The following ONECUT2 variants were observed in gnomAD, a reference collection of about 807,000 sequenced individuals.
The protein encoded by ONECUT2 is one cut homeobox 2.
ONECUT2 carries 10 observed loss-of-function variants against 27.9 expected under a neutral mutation model. The observed-to-expected ratio is 0.36, with a 90% CI of 0.22 to 0.61. The LOEUF (loss-of-function observed/expected upper bound fraction) is 0.61. Among genes scored for constraint, ONECUT2 ranks in the 20% least tolerant of loss-of-function variants. ONECUT2 has a pLI of 0.73. For synonymous variants in ONECUT2, 334 were observed against 315.1 expected, an observed-to-expected ratio of 1.06 and a Z score of -0.64; for missense variants, 686 against 721.0, an observed-to-expected ratio of 0.95 and a Z score of 0.56.
In ONECUT2 at chr18:57,477,942, G is replaced by C. The variant is rs1305672147; in HGVS notation, c.*1219G>C. 1 of 152,582 alleles carries C rather than the reference G, an allele frequency of 6.6e-6. No homozygotes were observed. The highest frequency in any genetic ancestry group is 1.9e-4 in the East Asian group (1 of 5,200). The allele number at this position is 152,582 out of a possible 1,614,324, so 9.5% of individuals were successfully genotyped here. A position where few individuals can be genotyped will look rare whatever the true frequency, so the allele number is the denominator to read the frequency against. On this transcript the variant is annotated 3_prime_UTR_variant, in exon 2 of 2. Coordinates refer to ENST00000491143, the MANE Select transcript of ONECUT2 (RefSeq NM_004852.3). ...TGTCATCTAGTCCTAAATCTCTTCT[G>C]TTGTTGAATCATCCTTGCAAAACAG...
At chr18:57,454,055 T>C (rs1294752962) in intron 1 of ONECUT2, among the ~76,000 whole-genome samples, 1 of 152,194 alleles carries the variant, frequency 6.6e-6, no homozygotes, top group Non-Finnish European at 1.5e-5. Context: ...TTAAAAAAAT[T>C]GTTCCAAAGA....
chr18:57,444,893 G>A (rs2050193282), intron 1 of ONECUT2, among the ~76,000 whole-genome samples: 1 of 151,884 alleles, frequency 6.6e-6, no homozygotes, highest in South Asian at 2.1e-4. Flanking sequence ...GAAGAGAGGG[G>A]GTCAGGAGGC....
At position 57,436,079 on chromosome 18, in the gene ONECUT2, C is replaced by G; in HGVS notation, c.363C>G (p.Pro121=). 2 of 1,597,886 alleles carry G rather than the reference C, an allele frequency of 1.3e-6. No homozygotes were observed. Among genetic ancestry groups the G allele is most frequent in the African/African-American group, 1.3e-5 (1 of 75,008 alleles). Residue 121 remains proline, a synonymous_variant, in exon 1 of 2, where the codon CCC becomes CCG. Transcript: ENST00000491143. The surrounding 1 kb of genome is among the most constrained non-coding windows in gnomAD (Gnocchi z 5.9). ...ASILDGGDYR[P]ELSIPLHHAM... is the part of the protein sequence containing the mutation. The stretch of plus-strand genomic sequence containing the variant: ...TCCTGGACGGCGGCGACTACCGGCC[C>G]GAGCTCTCCATCCCGCTGCACCACG...
At chr18:57,444,081 A>G (rs141590258) in intron 1 of ONECUT2, among the ~76,000 whole-genome samples, 75 of 152,358 alleles carry the variant, frequency 4.9e-4, no homozygotes, top group African/African-American at 1.7e-3. Flanking sequence ...TTTAAAGGGA[A>G]AGGTAAAATT....
intron 1 of ONECUT2, among the ~76,000 whole-genome samples, chr18:57,471,722 C>T (rs1473106789): frequency 6.6e-6 from 1 of 152,222 alleles, no homozygotes; most frequent in Non-Finnish European, 1.5e-5. Flanking sequence ...CCACAGGACA[C>T]AACCAGCATG....
Position 57,436,133 on chromosome 18 carries a change from G to A in ONECUT2, c.417G>A (p.Pro139=). ...TGAGCATGTCCTGCGACTCGTCTCCGCCTGGCATGGGCATGAGCAACACCT... is the reference window on the plus strand; with the variant it reads ...TGAGCATGTCCTGCGACTCGTCTCCACCTGGCATGGGCATGAGCAACACCT... The part of the protein sequence containing the change: ...HAMSMSCDSS[P]PGMGMSNTYT... Residue 139 remains proline, a synonymous_variant, in exon 1 of 2, where the codon CCG becomes CCA. Coordinates refer to ENST00000491143, the MANE Select transcript of ONECUT2 (RefSeq NM_004852.3). The surrounding 1 kb of genome is among the most constrained non-coding windows in gnomAD (Gnocchi z 5.9). The A allele has an allele frequency of 3.1e-6, 5 of 1,603,492 alleles. No homozygotes were observed. Among genetic ancestry groups the A allele is most frequent in the Non-Finnish European group, 4.2e-6 (5 of 1,179,880 alleles).
At chr18:57,471,448 G>T (rs1438861935) in intron 1 of ONECUT2, among the ~76,000 whole-genome samples, 1 of 152,184 alleles carries the variant, frequency 6.6e-6, no homozygotes, top group Non-Finnish European at 1.5e-5. Flanking sequence ...CACATTCTTG[G>T]AAAGGCACTT....
intron 1 of ONECUT2, among the ~76,000 whole-genome samples, chr18:57,438,249 G>T (rs573543521): frequency 2.0e-5 from 3 of 152,366 alleles, no homozygotes; most frequent in Non-Finnish European, 4.4e-5. Context: ...CAGGTCCCCC[G>T]CTGGGAAGGA....
chr18:57,452,837 A>C (rs1312920004), intron 1 of ONECUT2, among the ~76,000 whole-genome samples: 1 of 152,262 alleles, frequency 6.6e-6, no homozygotes, highest in African/African-American at 2.4e-5. Context: ...TACAGAATTA[A>C]GGCATCCAAT....
intron 1 of ONECUT2, among the ~76,000 whole-genome samples, chr18:57,440,875 A>G (rs181021076): frequency 1.6e-3 from 237 of 152,350 alleles, no homozygotes; most frequent in African/African-American, 5.4e-3. Flanking sequence ...GTTAGGGATC[A>G]GAGCTGGAGA....
Position 57,477,001 on chromosome 18 carries a change from A to C in ONECUT2, c.*278A>C. On this transcript the variant is annotated 3_prime_UTR_variant, in exon 2 of 2. Transcript: ENST00000491143. ...GCATGCTAAGCATCCCAGAAACCCA[A>C]ATGGGGCCTTCCTGGAGCGAGTTAA... 3 of 437,244 alleles carry C rather than the reference A, an allele frequency of 6.9e-6. No individual in the cohort carries two copies. The highest frequency in any genetic ancestry group is 8.2e-6 in the Non-Finnish European group (2 of 244,028). The allele number at this position is 437,244 out of a possible 1,614,324, so 27.1% of individuals were successfully genotyped here. A position where few individuals can be genotyped will look rare whatever the true frequency, so the allele number is the denominator to read the frequency against.
At chr18:57,446,670 C>T (rs2050201711) in intron 1 of ONECUT2, among the ~76,000 whole-genome samples, 1 of 152,216 alleles carries the variant, frequency 6.6e-6, no homozygotes, top group African/African-American at 2.4e-5. Context: ...GCATTATCTT[C>T]CTAGAAGTAG....
At position 57,435,686 on chromosome 18, in the gene ONECUT2, C is replaced by A; in HGVS notation, c.-31C>A. 1 of 1,050,076 alleles carries A rather than the reference C, an allele frequency of 9.5e-7. No individual in the cohort carries two copies. The highest frequency in any genetic ancestry group is 1.2e-6 in the Non-Finnish European group (1 of 857,864). The allele number at this position is 1,050,076 out of a possible 1,614,324, so 65.0% of individuals were successfully genotyped here. On this transcript the variant is annotated 5_prime_UTR_variant, in exon 1 of 2. Transcript: ENST00000491143. The stretch of plus-strand genomic sequence containing the variant: ...GCCCGCCCGCCGGCCGCCCCCGCCG[C>A]CCCCGCCGCCCCCGGGCCCTGATGG...
Position 57,483,344 on chromosome 18 carries a change from T to C in ONECUT2, c.*6621T>C, listed in dbSNP as rs921388529. The C allele has an allele frequency of 1.3e-5, 2 of 152,586 alleles. No individual in the cohort carries two copies. The highest frequency in any genetic ancestry group is 2.4e-5 in the African/African-American group (1 of 41,430). The allele number at this position is 152,586 out of a possible 1,614,324, so 9.5% of individuals were successfully genotyped here. ...TTAGAGGTTATAATTTCCTGCTTTG[T>C]TTTTATTTAGACTATCAAATGAAGT... On this transcript the variant is annotated 3_prime_UTR_variant, in exon 2 of 2. Coordinates refer to ENST00000491143, the MANE Select transcript of ONECUT2 (RefSeq NM_004852.3).
chr18:57,436,075 G>T lies in ONECUT2; in HGVS notation c.359G>T (p.Arg120Leu). 1 of 1,597,226 alleles carries T rather than the reference G, an allele frequency of 6.3e-7. No homozygotes were observed. Among genetic ancestry groups the T allele is most frequent in the Admixed American group, 1.7e-5 (1 of 59,934 alleles). Reference sequence around the variant, plus strand: ...TCGATCCTGGACGGCGGCGACTACCGGCCCGAGCTCTCCATCCCGCTGCAC... The same window carrying T: ...TCGATCCTGGACGGCGGCGACTACCTGCCCGAGCTCTCCATCCCGCTGCAC... ...MASILDGGDY[R>L]PELSIPLHHA... is the part of the protein sequence containing the mutation. Residue 120 changes from arginine (R) to leucine (L), a missense_variant, in exon 1 of 2, where the codon CGG (arginine) becomes CTG (leucine). This residue lies in a region of ONECUT2 where 511 missense variants were observed against 488.1 expected (regional missense o/e 1.05). Transcript: ENST00000491143. This position sits in a 1 kb window ranked among gnomAD's most constrained non-coding sequence, Gnocchi z 5.9.
chr18:57,474,289 G>A (rs1039925192), intron 1 of ONECUT2, among the ~76,000 whole-genome samples: 1 of 152,162 alleles, frequency 6.6e-6, no homozygotes, highest in Non-Finnish European at 1.5e-5. Context: ...AGGGAGGGCA[G>A]CCAGTTAGGT....
At chr18:57,463,062 G>A (rs2050302068) in intron 1 of ONECUT2, among the ~76,000 whole-genome samples, 1 of 152,018 alleles carries the variant, frequency 6.6e-6, no homozygotes, top group South Asian at 2.1e-4. Context: ...AAACTTTATT[G>A]TTTTGCCATC....
chr18:57,474,742 G>A (rs62093612), intron 1 of ONECUT2, among the ~76,000 whole-genome samples: 2,446 of 152,226 alleles, frequency 0.016, 27 homozygotes, highest in Non-Finnish European at 0.026. Flanking sequence ...GTAGCAGACC[G>A]TCCACATAAG....
Position 57,485,587 on chromosome 18 carries a change from C to A in ONECUT2, c.*8864C>A, listed in dbSNP as rs1484823201. The A allele has an allele frequency of 6.6e-6, 1 of 152,182 alleles. No individual in the cohort carries two copies. The allele number at this position is 152,182 out of a possible 1,614,324, so 9.4% of individuals were successfully genotyped here. A position where few individuals can be genotyped will look rare whatever the true frequency, so the allele number is the denominator to read the frequency against. On this transcript the variant is annotated 3_prime_UTR_variant, in exon 2 of 2. Transcript: ENST00000491143. ...AGCTTTTGACCAAATGGGTTTTAGA[C>A]AAATGCAAAGATCTGCCTCTAGTCC...
Sources: allele counts gnomAD v4.1 joint callset (sites outside exome capture counted in the v4.1 genomes callset), GRCh38; gene constraint gnomAD v4.1.1; regional missense constraint gnomAD v4.1.1; non-coding constraint Gnocchi (gnomAD v3.1); transcripts MANE v1.5; gene names NCBI Gene and HGNC (gene_info 2026-07-23, HGNC 2026-07-21).